Variants in HAGH observed in about 807,000 individuals in gnomAD.
The protein encoded by HAGH is hydroxyacylglutathione hydrolase, mitochondrial.
HAGH carries 29 observed loss-of-function variants against 35.1 expected under a neutral mutation model. That is an observed-to-expected ratio of 0.83 (90% CI 0.62 to 1.13). The LOEUF (loss-of-function observed/expected upper bound fraction) is 1.13, where lower values mean the gene tolerates loss of function less well. HAGH is among the 50% of genes most tolerant of loss of function. The pLI is 0.00. For synonymous variants in HAGH, 225 were observed against 176.1 expected, an observed-to-expected ratio of 1.28 and a Z score of -2.20; for missense variants, 478 against 419.6, an observed-to-expected ratio of 1.14 and a Z score of -1.22.
Position 1,822,992 on chromosome 16 carries a change from T to C in HAGH, c.122A>G (p.Asn41Ser). Residue 41 changes from asparagine to serine, a missense_variant, in exon 2 of 9, where the codon AAC (asparagine) becomes AGC (serine). Coordinates refer to ENST00000397356, the MANE Select transcript of HAGH (RefSeq NM_005326.6). ...CATGGTGCCCTCGTCCACGGTCAGG[T>C]TCTTCCGCAAATCTGTGTGGCAGAA... is the stretch of plus-strand genomic sequence containing the variant. Reference protein sequence around the residue: ...GVFCHTDLRKNLTVDEGTMKV... With the variant: ...GVFCHTDLRKSLTVDEGTMKV... 1 of 1,613,928 alleles carries C rather than the reference T, an allele frequency of 6.2e-7. No individual in the cohort carries two copies. Among genetic ancestry groups the C allele is most frequent in the Non-Finnish European group, 8.5e-7 (1 of 1,180,000 alleles).
chr16:1,814,165 A>G, intron 7 of HAGH, among the ~76,000 whole-genome samples: 1 of 150,468 alleles, frequency 6.6e-6, no homozygotes, highest in East Asian at 2.0e-4. Flanking sequence ...TAGAAAGGGC[A>G]CAAGAAACAT....
chr16:1,822,400 C>A (rs745499482), intron 2 of HAGH, 36 bp from the exon 3 acceptor site: 370 of 1,504,546 alleles, frequency 2.5e-4, no homozygotes, highest in Non-Finnish European at 3.3e-4. Context: ...AGGCCTGTCA[C>A]ACTCCTAGGC....
At position 1,819,763 on chromosome 16, in the gene HAGH, C is replaced by G. The variant is rs114969436; in HGVS notation, c.432+134G>C. 5.8e-3 allele frequency: 4,012 copies of G among 689,912 alleles called. 45 individuals carry two copies. Among genetic ancestry groups the G allele is most frequent in the African/African-American group, 0.029 (1,637 of 56,600 alleles). 42.7% of individuals were successfully genotyped at this position (689,912 alleles called of 1,614,324 possible). On this transcript the variant is annotated intron_variant, in intron 4 of 8. Coordinates refer to ENST00000397356, the MANE Select transcript of HAGH (RefSeq NM_005326.6). ...GTGCCTAGACAGAGAAGACCATCCA[C>G]GCTGCCACAGAGGACCACTGAGAGC...
chr16:1,823,499 C>T (rs775018323), intron 1 of HAGH, among the ~76,000 whole-genome samples: 3 of 151,846 alleles, frequency 2.0e-5, no homozygotes, highest in Non-Finnish European at 2.9e-5. Flanking sequence ...GATCTCCTGA[C>T]CTTGTGATCC....
intron 5 of HAGH, 149 bp from the exon 6 acceptor site, chr16:1,817,420 C>T (rs1328119377): frequency 9.3e-6 from 6 of 648,056 alleles, no homozygotes; most frequent in Non-Finnish European, 1.4e-5. Flanking sequence ...GACTCAGCCC[C>T]CCTGCATTCC....
chr16:1,809,655 G>C (rs1013755883), intron 8 of HAGH, 99 bp downstream of exon 8: 1 of 897,604 alleles, frequency 1.1e-6, no homozygotes, highest in Non-Finnish European at 1.8e-6. Context: ...CCCCAAGGCA[G>C]CCTCAGCCAT....
intron 1 of HAGH, among the ~76,000 whole-genome samples, chr16:1,825,343 C>A (rs982554183): frequency 6.6e-6 from 1 of 152,166 alleles, no homozygotes; most frequent in Admixed American, 6.5e-5. Context: ...GAGACCATCA[C>A]AGCCTCCTGA....
chr16:1,813,048 C>T (rs1210431378), intron 7 of HAGH, among the ~76,000 whole-genome samples: 1 of 152,216 alleles, frequency 6.6e-6, no homozygotes, highest in Non-Finnish European at 1.5e-5. Context: ...CCTGGGTGTT[C>T]ACACGGGGCT....
chr16:1,815,036 C>G (rs1443825404), intron 7 of HAGH, among the ~76,000 whole-genome samples: 1 of 151,848 alleles, frequency 6.6e-6, no homozygotes, highest in African/African-American at 2.4e-5. Flanking sequence ...AGGCCAAACC[C>G]AATATTTAAA....
At chr16:1,824,953 G>A (rs1327476460) in intron 1 of HAGH, among the ~76,000 whole-genome samples, 3 of 152,312 alleles carry the variant, frequency 2.0e-5, no homozygotes, top group Non-Finnish European at 2.9e-5. Context: ...CAGAAGGGTT[G>A]TGACAGGATT....
At chr16:1,809,423 C>T (rs372103954) in intron 8 of HAGH, 41 bp from the exon 9 acceptor site, 64 of 1,536,928 alleles carry the variant, frequency 4.2e-5, no homozygotes, top group South Asian at 3.5e-4. Flanking sequence ...TGCCGAGCCA[C>T]GCCCACCGGA....
intron 2 of HAGH, among the ~76,000 whole-genome samples, 196 bp downstream of exon 2, chr16:1,822,669 T>C (rs1442746419): frequency 6.6e-6 from 1 of 152,178 alleles, no homozygotes; most frequent in East Asian, 1.9e-4. Flanking sequence ...TGCCCAGGAT[T>C]GTACTGCACA....
rs767919133 is a variant in HAGH, at chr16:1,817,149, G to C, written c.645+19C>G. 4.6e-6 allele frequency: 7 copies of C among 1,534,506 alleles called. No homozygotes were observed. Among genetic ancestry groups the C allele is most frequent in the Non-Finnish European group, 6.3e-6 (7 of 1,107,502 alleles). On this transcript the variant is annotated intron_variant, in intron 6 of 8. Transcript: ENST00000397356. Reference sequence around the variant, plus strand: ...GTTAAGGCCCCCCACACCCCGGCCCGCAGGGAGGCGCTGCCTACTGTGTCC... The same window carrying C: ...GTTAAGGCCCCCCACACCCCGGCCCCCAGGGAGGCGCTGCCTACTGTGTCC...
At position 1,826,772 on chromosome 16, in the gene HAGH, C is replaced by T. The variant is rs1443118115; in HGVS notation, c.16G>A (p.Gly6Arg). The T allele has an allele frequency of 3.3e-6, 4 of 1,212,294 alleles. No homozygotes were observed. The highest frequency in any genetic ancestry group is 4.1e-6 in the Non-Finnish European group (4 of 974,840). 75.1% of individuals were successfully genotyped at this position (1,212,294 alleles called of 1,614,324 possible). A position where few individuals can be genotyped will look rare whatever the true frequency, so the allele number is the denominator to read the frequency against. Reference protein sequence around the residue: MVVGRGLLGRRSLAAL... With the variant: MVVGRRLLGRRSLAAL... ...GCGAGGCTGCGGCGGCCGAGCAGCCCTCGGCCCACCACCATGACCCGGGCC... is the reference window on the plus strand; with the variant it reads ...GCGAGGCTGCGGCGGCCGAGCAGCCTTCGGCCCACCACCATGACCCGGGCC... The change falls in exon 1 of 9, where the codon GGG becomes AGG. Residue 6 changes from glycine to arginine, a missense_variant. Transcript: ENST00000397356.
At chr16:1,826,874 G>A (rs935755396), upstream of HAGH, 3 of 821,976 alleles carry the variant, frequency 3.6e-6, no homozygotes, top group Admixed American at 4.0e-5. Flanking sequence ...CCCGCCTCGC[G>A]CTGCCCTCAG....
intron 7 of HAGH, 38 bp from the exon 8 acceptor site, chr16:1,809,871 A>G: frequency 6.6e-7 from 1 of 1,506,042 alleles, no homozygotes. Flanking sequence ...CGGGAACTTC[A>G]CAGGATGGCA....
chr16:1,826,137 G>A (rs1898401229), intron 1 of HAGH, among the ~76,000 whole-genome samples: 1 of 152,176 alleles, frequency 6.6e-6, no homozygotes, highest in Non-Finnish European at 1.5e-5. Flanking sequence ...AACCGCCAGG[G>A]ACGCCTCCCT....
At chr16:1,820,175 TCA>T (rs1898092530) in intron 3 of HAGH, among the ~76,000 whole-genome samples, 161 bp from the exon 4 acceptor site, 1 of 151,984 alleles carries the variant, frequency 6.6e-6, no homozygotes. Flanking sequence ...AGGAAGCAAA[TCA>T]CAGACACCTG....
chr16:1,822,034 G>C, intron 3 of HAGH: 1 of 377,842 alleles, frequency 2.6e-6, no homozygotes, highest in Non-Finnish European at 4.9e-6. Context: ...GCACAAACCC[G>C]CATGGCCCAG....
Sources: gnomAD v4.1 joint callset for allele counts (sites outside exome capture counted in the v4.1 genomes callset) on GRCh38, gnomAD v4.1.1 for gene constraint, MANE v1.5 for transcripts, NCBI Gene and HGNC (gene_info 2026-07-23, HGNC 2026-07-21) for gene names.